Variants in IFIT2 observed in about 807,000 individuals in gnomAD.
IFIT2 encodes the protein interferon-induced protein with tetratricopeptide repeats 2.
IFIT2 carries 3 observed loss-of-function variants against 2.5 expected under a neutral mutation model. That is an observed-to-expected ratio of 1.21 (90% CI 0.55 to 3.14). The LOEUF (loss-of-function observed/expected upper bound fraction) is 3.14. IFIT2 is among the 30% of genes most tolerant of loss of function. The probability of loss-of-function intolerance (pLI) is 0.03; values close to 1 mark genes in which losing one functional copy is unlikely to be tolerated. For missense variants in IFIT2, 493 were observed against 558.9 expected, an observed-to-expected ratio of 0.88 and a Z score of 1.19; for synonymous variants, 212 against 200.7, an observed-to-expected ratio of 1.06 and a Z score of -0.48.
chr10:89,303,134 T>C lies in IFIT2; in HGVS notation c.5+1006T>C, dbSNP rs1843456435. ...GGTCTTATCTTAGAATTTTTCCCAT[T>C]ACAATACAGACCCATCTGTCCTTTC... On this transcript the variant is annotated intron_variant, in intron 1 of 1. Transcript: ENST00000371826. Among the ~76,000 whole-genome samples the C allele has an allele frequency of 3.9e-5, 6 of 152,358 alleles. No individual in the cohort carries two copies. The South Asian group carries it at 1.2e-3, about 32-fold the overall frequency.
rs1244993237 is a variant in IFIT2 at position 89,306,050 on chromosome 10, G to C, written c.94G>C (p.Asp32His). The change falls in exon 2 of 2, where the codon GAT (aspartate) becomes CAT (histidine). Residue 32 changes from aspartate to histidine, a missense_variant. By Grantham distance (81) the Asp-to-His change is moderately conservative (BLOSUM62 -1). Coordinates refer to ENST00000371826, the MANE Select transcript of IFIT2 (RefSeq NM_001547.5). ...CTTGATGGAGGGAGAAAACTCCTTG[G>C]ATGATTTTGAAGACAAAGTATTTTA... ...WNLMEGENSL[D>H]DFEDKVFYRT... The C allele has an allele frequency of 6.2e-7, 1 of 1,614,100 alleles. No homozygotes were observed. Among genetic ancestry groups the C allele is most frequent in the South Asian group, 1.1e-5 (1 of 91,084 alleles).
chr10:89,306,198 T>C lies in IFIT2; in HGVS notation c.242T>C (p.Ile81Thr). The change falls in exon 2 of 2, where the codon ATC becomes ACC. Residue 81 changes from isoleucine (I) to threonine (T), a missense_variant. By Grantham distance (89) the Ile-to-Thr change is moderately conservative. Transcript: ENST00000371826. The part of the protein sequence containing the change: ...LECLRKAEEL[I>T]QQEHADQAEI... Reference sequence around the variant, plus strand: ...TGCTTACGTAAAGCTGAAGAGTTAATCCAGCAAGAGCATGCTGACCAGGCA... The same window carrying C: ...TGCTTACGTAAAGCTGAAGAGTTAACCCAGCAAGAGCATGCTGACCAGGCA... 6 of 1,614,130 alleles carry C rather than the reference T, an allele frequency of 3.7e-6. No individual in the cohort carries two copies. The highest frequency in any genetic ancestry group is 5.1e-6 in the Non-Finnish European group (6 of 1,180,000).
chr10:89,305,274 A>G (rs1419599053), intron 1 of IFIT2, among the ~76,000 whole-genome samples: 1 of 152,186 alleles, frequency 6.6e-6, no homozygotes, highest in Non-Finnish European at 1.5e-5. Flanking sequence ...CACAGAAAAA[A>G]ATGAGAATGT....
chr10:89,306,975 T>G lies in IFIT2; in HGVS notation c.1019T>G (p.Leu340Arg). 1 of 1,614,106 alleles carries G rather than the reference T, an allele frequency of 6.2e-7. No homozygotes were observed. The highest frequency in any genetic ancestry group is 8.5e-7 in the Non-Finnish European group (1 of 1,179,980). Residue 340 changes from leucine (L) to arginine (R), a missense_variant, in exon 2 of 2, where the codon CTT becomes CGT. Leu to Arg is a moderately radical substitution (Grantham distance 102, BLOSUM62 -2). Transcript: ENST00000371826. ...AATCTCTTCCGTGTCTGTTCCATTCTTGCCAGCCTCCATGCTCTAGCAGAT... is the reference window on the plus strand; with the variant it reads ...AATCTCTTCCGTGTCTGTTCCATTCGTGCCAGCCTCCATGCTCTAGCAGAT... ...NDNLFRVCSI[L>R]ASLHALADQY... is the part of the protein sequence containing the mutation.
rs1210989830 is a variant in IFIT2 at position 89,309,104 on chromosome 10, A to G, written c.*1729A>G. On this transcript the variant is annotated 3_prime_UTR_variant, in exon 2 of 2. Coordinates refer to ENST00000371826, the MANE Select transcript of IFIT2 (RefSeq NM_001547.5). ...GCTTTAAGAGTCCAGGGCTTCGGAT[A>G]ACAGCTGCCATCTGCCACCTGCTAC... 1.3e-5 allele frequency: 2 copies of G among 152,240 alleles called. No homozygotes were observed. Among genetic ancestry groups the G allele is most frequent in the Non-Finnish European group, 2.9e-5 (2 of 68,062 alleles). 9.4% of individuals were successfully genotyped at this position (152,240 alleles called of 1,614,324 possible).
rs1407707343 is a variant in IFIT2 at position 89,306,531 on chromosome 10, A to T, written c.575A>T (p.Gln192Leu). 1.2e-6 allele frequency: 2 copies of T among 1,613,520 alleles called. No homozygotes were observed. The highest frequency in any genetic ancestry group is 3.3e-5 in the Admixed American group (2 of 59,986). ...CGTCTGGACAACTGGCCACCATCTC[A>T]GAACGCCATTGACCCTCTGAGGCAA... is the stretch of plus-strand genomic sequence containing the variant. ...SYRLDNWPPS[Q>L]NAIDPLRQAI... Residue 192 changes from glutamine to leucine, a missense_variant, in exon 2 of 2, where the codon CAG becomes CTG. Coordinates refer to ENST00000371826, the MANE Select transcript of IFIT2 (RefSeq NM_001547.5).
Position 89,306,445 on chromosome 10 carries a change from G to A in IFIT2, c.489G>A (p.Lys163=), listed in dbSNP as rs1393824623. The change falls in exon 2 of 2, where the codon AAG becomes AAA. Residue 163 remains lysine (K), a synonymous_variant. Transcript: ENST00000371826. ...QNERAKVCFE[K]ALEKKPKNPE... is the part of the protein sequence containing the mutation. ...AAAGAGCGAAGGTGTGCTTTGAGAA[G>A]GCTCTGGAAAAGAAGCCAAAGAACC... 3.7e-6 allele frequency: 6 copies of A among 1,614,132 alleles called. No individual in the cohort carries two copies. Among genetic ancestry groups the A allele is most frequent in the Non-Finnish European group, 5.1e-6 (6 of 1,180,012 alleles).
In IFIT2 at chr10:89,306,543, A is replaced by AC; in HGVS notation, c.590dup (p.Leu198SerfsTer10). On this transcript the variant is annotated frameshift_variant, in exon 2 of 2. Transcript: ENST00000371826. LOFTEE classifies it low-confidence loss of function (END_TRUNC). ...TGGCCACCATCTCAGAACGCCATTG[A>AC]CCCTCTGAGGCAAGCCATTCGGCTG... is the stretch of plus-strand genomic sequence containing the variant. 1 of 1,614,076 alleles carries AC rather than the reference A, an allele frequency of 6.2e-7. No individual in the cohort carries two copies.
In IFIT2 at chr10:89,307,845, A is replaced by C; in HGVS notation, c.*470A>C. 1 of 159,172 alleles carries C rather than the reference A, an allele frequency of 6.3e-6. No individual in the cohort carries two copies. Among genetic ancestry groups the C allele is most frequent in the Non-Finnish European group, 1.4e-5 (1 of 71,388 alleles). The allele number at this position is 159,172 out of a possible 1,614,324, so 9.9% of individuals were successfully genotyped here. On this transcript the variant is annotated 3_prime_UTR_variant, in exon 2 of 2. Coordinates refer to ENST00000371826, the MANE Select transcript of IFIT2 (RefSeq NM_001547.5). ...AGTTCATCCAAAAGCTGGCGGACCAAAGTCTAAATAGGGCTCAGTATCCCC... is the reference window on the plus strand; with the variant it reads ...AGTTCATCCAAAAGCTGGCGGACCACAGTCTAAATAGGGCTCAGTATCCCC...
At chr10:89,302,862 A>G (rs965169682) in intron 1 of IFIT2, among the ~76,000 whole-genome samples, 10 of 152,018 alleles carry the variant, frequency 6.6e-5, no homozygotes, top group South Asian at 2.1e-4. Context: ...TGGTTGCCTA[A>G]CCCTCATCCT....
In IFIT2 at chr10:89,308,179, C is replaced by A. The variant is rs1286060250; in HGVS notation, c.*804C>A. The A allele has an allele frequency of 3.9e-5, 6 of 151,972 alleles. No homozygotes were observed. The allele number at this position is 151,972 out of a possible 1,614,324, so 9.4% of individuals were successfully genotyped here. A position where few individuals can be genotyped will look rare whatever the true frequency, so the allele number is the denominator to read the frequency against. ...ACCAACATAATGTATTTCTTTAAAA[C>A]CTGTGTGAAAAAATAAATGTTCCAC... On this transcript the variant is annotated 3_prime_UTR_variant, in exon 2 of 2. Transcript: ENST00000371826.
At position 89,307,276 on chromosome 10, in the gene IFIT2, G is replaced by A; in HGVS notation, c.1320G>A (p.Gln440=). ...CTTTGCATGTCTTGGCATTCCTTCA[G>A]GAGCTGAATGAAAAAATGCAACAAG... The part of the protein sequence containing the change: ...SEALHVLAFL[Q]ELNEKMQQAD... The change falls in exon 2 of 2, where the codon CAG becomes CAA. Residue 440 remains glutamine, a synonymous_variant. Transcript: ENST00000371826. 1.9e-6 allele frequency: 3 copies of A among 1,614,016 alleles called. No individual in the cohort carries two copies. Among genetic ancestry groups the A allele is most frequent in the Admixed American group, 1.7e-5 (1 of 60,012 alleles).
In IFIT2 at chr10:89,307,329, A is replaced by G; in HGVS notation, c.1373A>G (p.Glu458Gly). Residue 458 changes from glutamate to glycine, a missense_variant, in exon 2 of 2, where the codon GAG becomes GGG. By Grantham distance (98) the Glu-to-Gly change is moderately conservative. Transcript: ENST00000371826. ...QADEDSERGLESGSLIPSASS... is the reference protein window; with the variant it reads ...QADEDSERGLGSGSLIPSASS... ...GATGAAGACTCTGAGAGGGGTTTGGAGTCTGGAAGCCTCATCCCTTCAGCA... is the reference window on the plus strand; with the variant it reads ...GATGAAGACTCTGAGAGGGGTTTGGGGTCTGGAAGCCTCATCCCTTCAGCA... 2 of 1,612,470 alleles carry G rather than the reference A, an allele frequency of 1.2e-6. 1 individual carries two copies. The highest frequency in any genetic ancestry group is 2.2e-5 in the South Asian group (2 of 90,976).
intron 1 of IFIT2, among the ~76,000 whole-genome samples, chr10:89,304,860 G>A (rs1653960345): frequency 6.6e-6 from 1 of 151,914 alleles, no homozygotes; most frequent in African/African-American, 2.4e-5. Context: ...TTCCAGGAGA[G>A]TCATAAGGGT....
In IFIT2 at chr10:89,302,098, G is replaced by T. The variant is rs201027227; in HGVS notation, c.-26G>T. 2 of 1,613,802 alleles carry T rather than the reference G, an allele frequency of 1.2e-6. No individual in the cohort carries two copies. The highest frequency in any genetic ancestry group is 1.1e-5 in the South Asian group (1 of 91,052). On this transcript the variant is annotated 5_prime_UTR_variant, in exon 1 of 2. Transcript: ENST00000371826. ...GCAGCTGCCTGAACCGAGCCCTGCC[G>T]AACAGCTGAGAATTGCACTGCAACC...
chr10:89,305,843 G>A lies in IFIT2; in HGVS notation c.6-119G>A, dbSNP rs903783498. On this transcript the variant is annotated intron_variant, in intron 1 of 1. Transcript: ENST00000371826. Reference sequence around the variant, plus strand: ...AACATATTATAGAAAGAAAAGAAGGGGAGTTTCTTTGATTTGTGTTAACAG... The same window carrying A: ...AACATATTATAGAAAGAAAAGAAGGAGAGTTTCTTTGATTTGTGTTAACAG... The A allele has an allele frequency of 7.1e-6, 5 of 703,736 alleles. No homozygotes were observed. The African/African-American group carries it at 8.9e-5, about 12-fold the overall frequency. 43.6% of individuals were successfully genotyped at this position (703,736 alleles called of 1,614,324 possible).
chr10:89,304,172 G>A (rs930636572), intron 1 of IFIT2, among the ~76,000 whole-genome samples: 1 of 152,188 alleles, frequency 6.6e-6, no homozygotes, highest in African/African-American at 2.4e-5. Context: ...ATAGGCAGGA[G>A]TTTATAGGAA....
rs372180716 is a variant in IFIT2, at chr10:89,302,106, G to A, written c.-18G>A. 1.4e-4 allele frequency: 224 copies of A among 1,613,892 alleles called. No homozygotes were observed. Among genetic ancestry groups the A allele is most frequent in the Middle Eastern group, 3.3e-4 (2 of 6,082 alleles). On this transcript the variant is annotated 5_prime_UTR_variant, in exon 1 of 2. Coordinates refer to ENST00000371826, the MANE Select transcript of IFIT2 (RefSeq NM_001547.5). Reference sequence around the variant, plus strand: ...CTGAACCGAGCCCTGCCGAACAGCTGAGAATTGCACTGCAACCATGAGGTA... The same window carrying A: ...CTGAACCGAGCCCTGCCGAACAGCTAAGAATTGCACTGCAACCATGAGGTA...
intron 1 of IFIT2, among the ~76,000 whole-genome samples, chr10:89,304,708 G>A (rs1306128167): frequency 2.0e-5 from 3 of 152,124 alleles, no homozygotes; most frequent in Non-Finnish European, 2.9e-5. Context: ...AAAGTAATTC[G>A]AAATACAGGC....
Sources: gnomAD v4.1 joint callset for allele counts (sites outside exome capture counted in the v4.1 genomes callset) on GRCh38, gnomAD v4.1.1 for gene constraint, MANE v1.5 for transcripts, NCBI Gene and HGNC (gene_info 2026-07-23, HGNC 2026-07-21) for gene names.